The following CACNA2D3 variants were observed in gnomAD, a reference collection of about 807,000 sequenced individuals.
The protein encoded by CACNA2D3 is calcium voltage-gated channel auxiliary subunit alpha2delta 3.
Under a neutral mutation model 160.6 loss-of-function variants are expected in CACNA2D3, and 60 were observed. The observed-to-expected ratio is 0.37, with a 90% CI of 0.30 to 0.46. The LOEUF (loss-of-function observed/expected upper bound fraction) is 0.46, where lower values mean the gene tolerates loss of function less well. Among genes scored for constraint, CACNA2D3 ranks in the 20% least tolerant of loss-of-function variants. The pLI is 1.00. For missense variants in CACNA2D3, 1,205 were observed against 1,365.0 expected, an observed-to-expected ratio of 0.88 and a Z score of 1.85; for synonymous variants, 558 against 492.9, an observed-to-expected ratio of 1.13 and a Z score of -1.75.
intron 34 of CACNA2D3, among the ~76,000 whole-genome samples, chr3:55,010,974 T>C (rs893626184): frequency 6.6e-6 from 1 of 152,256 alleles, no homozygotes; most frequent in African/African-American, 2.4e-5. Context: ...TGCTTTATCT[T>C]TGCTGATTCA....
rs541803330 is a variant in CACNA2D3 at position 55,013,136 on chromosome 3, A to G, written c.2875+3693A>G. Reference sequence around the variant, plus strand: ...TGCATCATTGATGCATGGTGTGCTGATACATAAGTGCTTTGCCATTTCCAG... The same window carrying G: ...TGCATCATTGATGCATGGTGTGCTGGTACATAAGTGCTTTGCCATTTCCAG... On this transcript the variant is annotated intron_variant, in intron 34 of 37. Coordinates refer to ENST00000474759, the MANE Select transcript of CACNA2D3 (RefSeq NM_018398.3). Among the ~76,000 whole-genome samples, 6 of 152,266 alleles carry G rather than the reference A, an allele frequency of 3.9e-5. No homozygotes were observed. In the South Asian group the frequency reaches 6.2e-4, roughly 16 times the overall value.
At chr3:54,983,775 T>C (rs1431391397) in intron 29 of CACNA2D3, among the ~76,000 whole-genome samples, 1 of 152,178 alleles carries the variant, frequency 6.6e-6, no homozygotes. Flanking sequence ...AGAGTAAAGA[T>C]ATGTTACAAA....
intron 4 of CACNA2D3, among the ~76,000 whole-genome samples, chr3:54,423,161 G>A (rs1699863768): frequency 6.6e-6 from 1 of 152,162 alleles, no homozygotes; most frequent in South Asian, 2.1e-4. Flanking sequence ...AGAGGAAAAA[G>A]TCTGTTGATG....
At chr3:54,430,324 C>T (rs2106771378) in intron 4 of CACNA2D3, among the ~76,000 whole-genome samples, 1 of 152,244 alleles carries the variant, frequency 6.6e-6, no homozygotes, top group Admixed American at 6.5e-5. Context: ...TGTTCCCTCC[C>T]CTTCAATCAA....
chr3:54,159,302 C>G (rs1282713121), intron 2 of CACNA2D3, among the ~76,000 whole-genome samples: 1 of 151,846 alleles, frequency 6.6e-6, no homozygotes, highest in Admixed American at 6.6e-5. Flanking sequence ...CTTTTCCTTG[C>G]TCAGTGCATT....
chr3:54,330,431 T>C (rs887637050), intron 3 of CACNA2D3, among the ~76,000 whole-genome samples: 3 of 152,054 alleles, frequency 2.0e-5, no homozygotes, highest in Admixed American at 6.6e-5. Flanking sequence ...AGGGTCACGG[T>C]TGGAGTTGCT....
intron 3 of CACNA2D3, among the ~76,000 whole-genome samples, chr3:54,371,544 C>A (rs1698926000): frequency 6.6e-6 from 1 of 151,594 alleles, no homozygotes; most frequent in South Asian, 2.1e-4. Context: ...GTAAATTTAC[C>A]AAGTTGTTTT....
chr3:54,285,251 G>C (rs911719448), intron 2 of CACNA2D3, among the ~76,000 whole-genome samples: 1 of 152,170 alleles, frequency 6.6e-6, no homozygotes, highest in Non-Finnish European at 1.5e-5. Flanking sequence ...CTTTTCCAAC[G>C]GGCTTAAAAA....
intron 4 of CACNA2D3, among the ~76,000 whole-genome samples, chr3:54,441,805 C>T (rs1480338871): frequency 1.3e-5 from 2 of 152,150 alleles, no homozygotes. Context: ...CGTTACCCAA[C>T]AGGGGCCCAT....
At chr3:54,979,874 A>G (rs2107093225) in intron 29 of CACNA2D3, among the ~76,000 whole-genome samples, 1 of 152,340 alleles carries the variant, frequency 6.6e-6, no homozygotes, top group South Asian at 2.1e-4. Flanking sequence ...GATGATAAAA[A>G]GTCTTAGGAC....
chr3:55,069,457 TTTTACTAGA>T (rs1201073612), intron 35 of CACNA2D3, among the ~76,000 whole-genome samples: 7 of 152,326 alleles, frequency 4.6e-5, no homozygotes, highest in African/African-American at 1.7e-4. Flanking sequence ...AAGGCATATG[TTTTACTAGA>T]TTTATTCTTG....
At chr3:54,740,760 T>A (rs1277262859) in intron 11 of CACNA2D3, among the ~76,000 whole-genome samples, 1 of 152,182 alleles carries the variant, frequency 6.6e-6, no homozygotes, top group Non-Finnish European at 1.5e-5. Context: ...TATTTTGGAC[T>A]AATTCCTAGT....
intron 4 of CACNA2D3, among the ~76,000 whole-genome samples, chr3:54,450,985 G>T (rs1700296482): frequency 2.6e-5 from 4 of 152,042 alleles, no homozygotes; most frequent in Admixed American, 2.6e-4. Context: ...CAAATGGGAG[G>T]AATTGGAAGG....
chr3:54,204,489 G>A (rs971236352), intron 2 of CACNA2D3, among the ~76,000 whole-genome samples: 20 of 152,202 alleles, frequency 1.3e-4, no homozygotes, highest in African/African-American at 4.6e-4. Context: ...TCAGAAAAAA[G>A]GAATTCCAGG....
chr3:54,894,469 T>A (rs1526595), intron 25 of CACNA2D3: 1 of 435,340 alleles, frequency 2.3e-6, no homozygotes. Context: ...TGAATGTCAC[T>A]GCCTTAAGTG....
chr3:54,650,265 C>G (rs144175099), intron 11 of CACNA2D3, among the ~76,000 whole-genome samples: 2,558 of 152,044 alleles, frequency 0.017, 63 homozygotes, highest in African/African-American at 0.056. Context: ...GTGGTGTGAT[C>G]TTGGCTAACT....
chr3:54,431,531 G>A (rs1271257682), intron 4 of CACNA2D3, among the ~76,000 whole-genome samples: 1 of 152,040 alleles, frequency 6.6e-6, no homozygotes, highest in African/African-American at 2.4e-5. Flanking sequence ...CATATAAGTG[G>A]ACCTGCTCAG....
At chr3:54,219,480 C>T (rs1005961008) in intron 2 of CACNA2D3, among the ~76,000 whole-genome samples, 7 of 152,156 alleles carry the variant, frequency 4.6e-5, no homozygotes, top group East Asian at 1.9e-4. Flanking sequence ...TTATGGATAC[C>T]TCCTTATGGA....
At chr3:54,241,244 A>G (rs1701968650) in intron 2 of CACNA2D3, among the ~76,000 whole-genome samples, 1 of 152,182 alleles carries the variant, frequency 6.6e-6, no homozygotes, top group African/African-American at 2.4e-5. Flanking sequence ...TGGCCTGCAC[A>G]GGGCTGTTGT....
Sources: gnomAD v4.1 joint callset for allele counts (sites outside exome capture counted in the v4.1 genomes callset) on GRCh38, gnomAD v4.1.1 for gene constraint, MANE v1.5 for transcripts, NCBI Gene and HGNC (gene_info 2026-07-23, HGNC 2026-07-21) for gene names.